WHAMM: variants seen among roughly 807,000 people sequenced by gnomAD.
The protein encoded by WHAMM is WASP homolog-associated protein with actin, membranes and microtubules.
A neutral mutation model predicts 76.5 loss-of-function variants in WHAMM; 67 were observed. The ratio of observed to expected loss-of-function variants is 0.88; its 90% CI spans 0.72 to 1.07. The LOEUF (loss-of-function observed/expected upper bound fraction) is 1.07, where lower values mean the gene tolerates loss of function less well. WHAMM is among the 50% of genes least tolerant of loss of function. The pLI, the probability that WHAMM is intolerant of heterozygous loss-of-function variation, is 0.00. For synonymous variants in WHAMM, 419 were observed against 422.1 expected, an observed-to-expected ratio of 0.99 and a Z score of 0.09; for missense variants, 1,021 against 1,051.1, an observed-to-expected ratio of 0.97 and a Z score of 0.40.
intron 1 of WHAMM, chr15:82,810,624 G>GGT (rs1566990130): frequency 1.0e-6 from 1 of 985,344 alleles, no homozygotes; most frequent in African/African-American, 1.7e-5. Context: ...TGGCAGAGCA[G>GGT]GATGTTGTAA....
intron 8 of WHAMM, among the ~76,000 whole-genome samples, chr15:82,828,837 G>A (rs17158267): frequency 0.13 from 19,518 of 152,204 alleles, 1,370 homozygotes; most frequent in Admixed American, 0.18. Flanking sequence ...AGGAAAGTCT[G>A]TGTGGCTTAA....
intron 9 of WHAMM, among the ~76,000 whole-genome samples, chr15:82,831,401 T>C (rs1053697434): frequency 1.3e-5 from 2 of 152,226 alleles, no homozygotes; most frequent in Non-Finnish European, 2.9e-5. Flanking sequence ...ATGTATTTGA[T>C]TTCTGCCGTT....
intron 8 of WHAMM, 71 bp downstream of exon 8, chr15:82,826,917 A>G (rs2050946119): frequency 6.8e-7 from 1 of 1,463,740 alleles, no homozygotes; most frequent in Non-Finnish European, 9.1e-7. Context: ...AAAAAAGATG[A>G]AAGTATGAAG....
Position 82,810,055 on chromosome 15 carries a change from C to G in WHAMM, c.329C>G (p.Pro110Arg), listed in dbSNP as rs1276186328. Reference protein sequence around the residue: ...PLERCFPRLPPELDVGGGGAW... With the variant: ...PLERCFPRLPRELDVGGGGAW... ...GAGCGCTGCTTCCCGCGGCTGCCGC[C>G]GGAGCTGGACGTGGGCGGCGGCGGG... The change falls in exon 1 of 10, where the codon CCG becomes CGG. Residue 110 changes from proline (P) to arginine (R), a missense_variant. By Grantham distance (103) the Pro-to-Arg change is moderately radical. Transcript: ENST00000286760. The G allele has an allele frequency of 2.5e-6, 3 of 1,211,168 alleles. No individual in the cohort carries two copies. In the Admixed American group the frequency reaches 1.3e-4, roughly 54 times the overall value. The allele number at this position is 1,211,168 out of a possible 1,614,324, so 75.0% of individuals were successfully genotyped here.
chr15:82,810,193 C>A lies in WHAMM; in HGVS notation c.467C>A (p.Ala156Glu). Reference sequence around the variant, plus strand: ...CAGCTGGAACGCTATCTGGGCGCGGCGGCCGACGGCTGCGGCGGCGCCACA... The same window carrying A: ...CAGCTGGAACGCTATCTGGGCGCGGAGGCCGACGGCTGCGGCGGCGCCACA... The part of the protein sequence containing the change: ...CGQLERYLGA[A>E]ADGCGGATVR... The change falls in exon 1 of 10, where the codon GCG becomes GAG. Residue 156 changes from alanine (A) to glutamate (E), a missense_variant. Coordinates refer to ENST00000286760, the MANE Select transcript of WHAMM (RefSeq NM_001080435.3). The A allele has an allele frequency of 7.1e-7, 1 of 1,404,692 alleles. No individual in the cohort carries two copies. The highest frequency in any genetic ancestry group is 9.3e-7 in the Non-Finnish European group (1 of 1,075,774). 87.0% of individuals were successfully genotyped at this position (1,404,692 alleles called of 1,614,324 possible).
Position 82,823,249 on chromosome 15 carries a change from A to C in WHAMM, c.1420A>C (p.Arg474=). 1 of 1,566,482 alleles carries C rather than the reference A, an allele frequency of 6.4e-7. No individual in the cohort carries two copies. Among genetic ancestry groups the C allele is most frequent in the South Asian group, 1.2e-5 (1 of 82,550 alleles). ...CCAGCAGCTGGAGTCTAAACGGGGC[A>C]GGATCTGTGCCAAAAGAGCCTCTCT... The part of the protein sequence containing the change: ...QCQQLESKRG[R]ICAKRASLRS... The change falls in exon 6 of 10, where the codon AGG becomes CGG. Residue 474 remains arginine (R), a synonymous_variant. Coordinates refer to ENST00000286760, the MANE Select transcript of WHAMM (RefSeq NM_001080435.3).
At chr15:82,816,214 T>TG (rs2050723293) in intron 2 of WHAMM, among the ~76,000 whole-genome samples, 1 of 152,158 alleles carries the variant, frequency 6.6e-6, no homozygotes, top group Non-Finnish European at 1.5e-5. Flanking sequence ...ATATGCATTT[T>TG]GGGGGGAGTC....
chr15:82,819,273 T>C (rs1053151259), intron 4 of WHAMM, 50 bp from the exon 5 acceptor site: 3 of 762,788 alleles, frequency 3.9e-6, no homozygotes, highest in Non-Finnish European at 5.6e-6. Context: ...AGTTTGTTTT[T>C]AATATACTAA....
chr15:82,833,666 C>A lies in WHAMM; in HGVS notation c.*130C>A. On this transcript the variant is annotated 3_prime_UTR_variant, in exon 10 of 10. Coordinates refer to ENST00000286760, the MANE Select transcript of WHAMM (RefSeq NM_001080435.3). Reference sequence around the variant, plus strand: ...TAACACCCCGGAAGATCAGCAGGGCCTTGTGTAGGCTGCTGCAGCATTTTT... The same window carrying A: ...TAACACCCCGGAAGATCAGCAGGGCATTGTGTAGGCTGCTGCAGCATTTTT... The A allele has an allele frequency of 1.1e-6, 1 of 948,878 alleles. No individual in the cohort carries two copies. Among genetic ancestry groups the A allele is most frequent in the Non-Finnish European group, 1.5e-6 (1 of 657,236 alleles). The allele number at this position is 948,878 out of a possible 1,614,324, so 58.8% of individuals were successfully genotyped here. A position where few individuals can be genotyped will look rare whatever the true frequency, so the allele number is the denominator to read the frequency against.
intron 1 of WHAMM, among the ~76,000 whole-genome samples, chr15:82,811,861 A>C (rs372320089): frequency 6.6e-6 from 1 of 152,150 alleles, no homozygotes; most frequent in Non-Finnish European, 1.5e-5. Flanking sequence ...TAAAAAAAAA[A>C]CCCATAATAT....
Position 82,810,167 on chromosome 15 carries a change from GC to G in WHAMM, c.442del (p.Gln148SerfsTer68). The G allele has an allele frequency of 7.1e-7, 1 of 1,400,274 alleles. No homozygotes were observed. 86.7% of individuals were successfully genotyped at this position (1,400,274 alleles called of 1,614,324 possible). ...AGGCGGCGCTGCAGGAGCTGTGCGG[GC>G]AGCTGGAACGCTATCTGGGCGCGGC... ...GEAALQELCG[Q>X]LERYLGAAAD... On this transcript the variant is annotated frameshift_variant, in exon 1 of 10. Coordinates refer to ENST00000286760, the MANE Select transcript of WHAMM (RefSeq NM_001080435.3). LOFTEE classifies it high-confidence loss of function.
At chr15:82,811,468 G>C (rs2050627248) in intron 1 of WHAMM, among the ~76,000 whole-genome samples, 1 of 152,130 alleles carries the variant, frequency 6.6e-6, no homozygotes, top group African/African-American at 2.4e-5. Flanking sequence ...TTTTACTGTA[G>C]TAAATACTAT....
At chr15:82,825,876 G>A (rs565972453) in intron 6 of WHAMM, among the ~76,000 whole-genome samples, 1 of 152,178 alleles carries the variant, frequency 6.6e-6, no homozygotes, top group East Asian at 1.9e-4. Context: ...TTGGCATTGA[G>A]GCTGAAACCT....
rs772084672 is a variant in WHAMM, at chr15:82,830,868, A to C, written c.1911A>C (p.Ser637=). ...ATTCCAAATCCAGTGAGGAATTGTCACTGCCACCACCTCCTCCTCCTCCAC... is the reference window on the plus strand; with the variant it reads ...ATTCCAAATCCAGTGAGGAATTGTCCCTGCCACCACCTCCTCCTCCTCCAC... ...QTHSKSSEEL[S]LPPPPPPPPP... The change falls in exon 9 of 10, where the codon TCA becomes TCC. Residue 637 remains serine, a synonymous_variant. Transcript: ENST00000286760. 5 of 1,581,940 alleles carry C rather than the reference A, an allele frequency of 3.2e-6. No homozygotes were observed. The highest frequency in any genetic ancestry group is 3.4e-6 in the Non-Finnish European group (4 of 1,163,530).
rs749943785 is a variant in WHAMM at position 82,816,829 on chromosome 15, A to G, written c.921A>G (p.Val307=). ...DITVNYFKET[V]KALAGMQKEM... is the part of the protein sequence containing the mutation. ...CAGTGAATTATTTTAAGGAGACAGT[A>G]AAAGCATTAGCAGGTGATAATTTAA... Residue 307 remains valine (V), a synonymous_variant, in exon 3 of 10, where the codon GTA becomes GTG. Transcript: ENST00000286760. 91 of 1,561,554 alleles carry G rather than the reference A, an allele frequency of 5.8e-5. No individual in the cohort carries two copies. Among genetic ancestry groups the G allele is most frequent in the Admixed American group, 9.7e-5 (5 of 51,622 alleles).
chr15:82,813,774 A>G (rs1490511140), intron 2 of WHAMM, among the ~76,000 whole-genome samples: 1 of 145,180 alleles, frequency 6.9e-6, no homozygotes, highest in Non-Finnish European at 1.5e-5. Context: ...CTTCTGTCTC[A>G]GCATCCTGAG....
At position 82,833,904 on chromosome 15, in the gene WHAMM, A is replaced by C; in HGVS notation, c.*368A>C. 1 of 191,228 alleles carries C rather than the reference A, an allele frequency of 5.2e-6. No homozygotes were observed. The highest frequency in any genetic ancestry group is 1.1e-5 in the Non-Finnish European group (1 of 91,374). The allele number at this position is 191,228 out of a possible 1,614,324, so 11.8% of individuals were successfully genotyped here. Reference sequence around the variant, plus strand: ...ACAGGCGCCACCACCTTGCCCAACTAATTTTTTGTATTTTTTAGTAGAGAC... The same window carrying C: ...ACAGGCGCCACCACCTTGCCCAACTCATTTTTTGTATTTTTTAGTAGAGAC... On this transcript the variant is annotated 3_prime_UTR_variant, in exon 10 of 10. Transcript: ENST00000286760.
intron 6 of WHAMM, 46 bp from the exon 7 acceptor site, chr15:82,826,364 A>G: frequency 6.3e-7 from 1 of 1,590,324 alleles, no homozygotes; most frequent in Non-Finnish European, 8.6e-7. Context: ...ATGCTATACC[A>G]GGGTAATATT....
chr15:82,816,384 A>G (rs747159261), intron 2 of WHAMM, among the ~76,000 whole-genome samples: 3 of 152,174 alleles, frequency 2.0e-5, no homozygotes, highest in African/African-American at 4.8e-5. Flanking sequence ...CATTTAAACA[A>G]TTGTGTATTA....
Sources: gnomAD v4.1 joint callset for allele counts (sites outside exome capture counted in the v4.1 genomes callset) on GRCh38, gnomAD v4.1.1 for gene constraint, MANE v1.5 for transcripts, NCBI Gene and HGNC (gene_info 2026-07-23, HGNC 2026-07-21) for gene names.